OTOGL: variants seen among roughly 807,000 people sequenced by gnomAD.
OTOGL encodes the protein otogelin-like protein.
A neutral mutation model predicts 318.5 loss-of-function variants in OTOGL; 285 were observed. The ratio of observed to expected loss-of-function variants is 0.89; its 90% confidence interval spans 0.81 to 0.99. OTOGL has a LOEUF of 0.99. OTOGL is among the 50% of genes least tolerant of loss of function. OTOGL has a pLI of 0.00. For synonymous variants in OTOGL, 987 were observed against 936.5 expected, an observed-to-expected ratio of 1.05 and a Z score of -0.99; for missense variants, 2,899 against 2,845.6, an observed-to-expected ratio of 1.02 and a Z score of -0.43.
intron 25 of OTOGL, 116 bp from the exon 26 acceptor site, chr12:80,278,912 T>C (rs937414247): frequency 5.1e-6 from 6 of 1,186,630 alleles, no homozygotes; most frequent in Non-Finnish European, 7.2e-6. Context: ...GCAATATTCG[T>C]AAGGGATATT....
At chr12:80,135,863 G>A (rs927495482) in intron 1 of OTOGL, among the ~76,000 whole-genome samples, 5 of 152,142 alleles carry the variant, frequency 3.3e-5, no homozygotes, top group African/African-American at 4.8e-5. Flanking sequence ...CAGAAAGGCC[G>A]ACTCTCACCT....
chr12:80,163,902 C>T (rs1873681415), intron 1 of OTOGL, among the ~76,000 whole-genome samples: 1 of 152,150 alleles, frequency 6.6e-6, no homozygotes, highest in African/African-American at 2.4e-5. Context: ...GATATACTCT[C>T]ATTCTTCAAT....
At chr12:80,346,730 G>C (rs751052745) in intron 44 of OTOGL, among the ~76,000 whole-genome samples, 1 of 152,112 alleles carries the variant, frequency 6.6e-6, no homozygotes, top group Non-Finnish European at 1.5e-5. Flanking sequence ...GATGGATTCT[G>C]CTGGTCAGTG....
chr12:80,367,151 T>C (rs1472344552), intron 53 of OTOGL, among the ~76,000 whole-genome samples: 1 of 151,410 alleles, frequency 6.6e-6, no homozygotes, highest in Non-Finnish European at 1.5e-5. Flanking sequence ...TTTTTTTTTT[T>C]TTTTTTGGAA....
intron 1 of OTOGL, among the ~76,000 whole-genome samples, chr12:80,115,104 G>A (rs563798770): frequency 2.0e-5 from 3 of 152,122 alleles, no homozygotes; most frequent in African/African-American, 4.8e-5. Flanking sequence ...CTGTCAATTC[G>A]TCAAACTCAT....
intron 1 of OTOGL, among the ~76,000 whole-genome samples, chr12:80,127,549 T>C (rs949867038): frequency 1.3e-5 from 2 of 152,196 alleles, no homozygotes; most frequent in Non-Finnish European, 2.9e-5. Context: ...AGTATCTTTG[T>C]GGCATTCTCT....
At chr12:80,120,469 C>T (rs1870423555) in intron 1 of OTOGL, among the ~76,000 whole-genome samples, 1 of 152,046 alleles carries the variant, frequency 6.6e-6, no homozygotes, top group African/African-American at 2.4e-5. Flanking sequence ...TTAAACTCAA[C>T]TCTGATTCTT....
At chr12:80,291,394 C>T (rs566942021) in intron 26 of OTOGL, among the ~76,000 whole-genome samples, 2 of 152,278 alleles carry the variant, frequency 1.3e-5, no homozygotes, top group East Asian at 3.9e-4. Context: ...GGCTCTTTTA[C>T]GTTGGCTTTG....
rs4842346 is a variant in OTOGL, at chr12:80,297,237, G to A, written c.3063+276G>A. 0.045 allele frequency among the ~76,000 whole-genome samples: 6,884 copies of A among 152,042 alleles called. 217 individuals carry two copies. Among genetic ancestry groups the A allele is most frequent in the Middle Eastern group, 0.075 (22 of 294 alleles). On this transcript the variant is annotated intron_variant, in intron 27 of 58. Transcript: ENST00000547103. ...CACCTATTGCCTTAATTACTTCAGT[G>A]GCTTCCAGGCTAGACTCTTGGCTTC...
At chr12:80,278,910 C>T (rs913803095) in intron 25 of OTOGL, 118 bp from the exon 26 acceptor site, 15 of 1,165,284 alleles carry the variant, frequency 1.3e-5, no homozygotes, top group African/African-American at 6.2e-5. Flanking sequence ...TGGCAATATT[C>T]GTAAGGGATA....
At position 80,263,917 on chromosome 12, in the gene OTOGL, T is replaced by C. The variant is rs114466844; in HGVS notation, c.2015-1084T>C. Among the ~76,000 whole-genome samples, 937 of 152,234 alleles carry C rather than the reference T, an allele frequency of 6.2e-3. 11 individuals carry two copies. Among genetic ancestry groups the C allele is most frequent in the African/African-American group, 0.022 (896 of 41,534 alleles). ...TTCAGGATCCTTGGCATTAAGAATA[T>C]ATATGTAAACAGTATACTGCTATAG... On this transcript the variant is annotated intron_variant, in intron 19 of 58. Coordinates refer to ENST00000547103, the MANE Select transcript of OTOGL (RefSeq NM_001378609.3).
chr12:80,339,810 A>G (rs1365909495), intron 43 of OTOGL, among the ~76,000 whole-genome samples: 2 of 152,126 alleles, frequency 1.3e-5, no homozygotes, highest in African/African-American at 4.8e-5. Context: ...ATATACCATT[A>G]CATCTAGGTT....
intron 1 of OTOGL, among the ~76,000 whole-genome samples, chr12:80,107,825 C>A (rs780305678): frequency 7.9e-5 from 12 of 152,028 alleles, no homozygotes; most frequent in Non-Finnish European, 1.2e-4. Flanking sequence ...AGGCCATTAT[C>A]CCAAGTAAAC....
chr12:80,257,557 C>A (rs1882165789), intron 17 of OTOGL, among the ~76,000 whole-genome samples: 1 of 151,992 alleles, frequency 6.6e-6, no homozygotes, highest in African/African-American at 2.4e-5. Flanking sequence ...TTGTGAGATG[C>A]TTGCAAACTG....
At chr12:80,107,616 T>C (rs752453851) in intron 1 of OTOGL, among the ~76,000 whole-genome samples, 3 of 152,088 alleles carry the variant, frequency 2.0e-5, no homozygotes, top group Non-Finnish European at 4.4e-5. Flanking sequence ...CCCGAAAGAA[T>C]ATGAATCATT....
intron 35 of OTOGL, among the ~76,000 whole-genome samples, chr12:80,328,443 G>C (rs1887843664): frequency 6.6e-6 from 1 of 152,142 alleles, no homozygotes; most frequent in Admixed American, 6.5e-5. Flanking sequence ...CTAATATTCT[G>C]TGTCCAAGTT....
chr12:80,270,501 A>G (rs886613097), intron 23 of OTOGL, among the ~76,000 whole-genome samples: 7 of 152,120 alleles, frequency 4.6e-5, no homozygotes, highest in African/African-American at 7.2e-5. Context: ...AGAAATTGGG[A>G]AAATCTATTT....
At chr12:80,280,956 C>T (rs1056081729) in intron 26 of OTOGL, among the ~76,000 whole-genome samples, 5 of 151,198 alleles carry the variant, frequency 3.3e-5, no homozygotes, top group African/African-American at 9.7e-5. Context: ...GTGTGTATGG[C>T]TATTGTGAAT....
intron 44 of OTOGL, among the ~76,000 whole-genome samples, chr12:80,345,196 T>C (rs1036203408): frequency 2.9e-5 from 4 of 137,380 alleles, no homozygotes; most frequent in African/African-American, 1.1e-4. Context: ...TTATAATGTA[T>C]ATTATATATT....
Sources: allele counts gnomAD v4.1 joint callset (sites outside exome capture counted in the v4.1 genomes callset), GRCh38; gene constraint gnomAD v4.1.1; transcripts MANE v1.5; gene names NCBI Gene and HGNC (gene_info 2026-07-23, HGNC 2026-07-21).